Variants in TELO2 observed in about 807,000 individuals in gnomAD.
The protein encoded by TELO2 is telomere length regulation protein TEL2 homolog.
Under a neutral mutation model 91.0 loss-of-function variants are expected in TELO2, and 71 were observed. That is an observed-to-expected ratio of 0.78 (90% confidence interval 0.64 to 0.95). The LOEUF (loss-of-function observed/expected upper bound fraction) is 0.95, where lower values mean the gene tolerates loss of function less well. Ranked by LOEUF, TELO2 falls within the 40% of genes least tolerant of loss-of-function variation. The pLI is 0.00. For synonymous variants in TELO2, 584 were observed against 518.9 expected (o/e 1.13, Z -1.71); for missense variants, 1,183 against 1,141.3 (o/e 1.04, Z -0.53).
chr16:1,505,494 C>G lies in TELO2; in HGVS notation c.1927C>G (p.Pro643Ala). 6.2e-7 allele frequency: 1 copy of G among 1,613,148 alleles called. No homozygotes were observed. Among genetic ancestry groups the G allele is most frequent in the Non-Finnish European group, 8.5e-7 (1 of 1,180,000 alleles). ...ACCTGGCTCCCCAAGTCCCAACACC[C>G]CGTGCCTGCCAGAGGCAGCCGTCTC... Reference protein sequence around the residue: ...PQPGSPSPNTPCLPEAAVSQP... With the variant: ...PQPGSPSPNTACLPEAAVSQP... Residue 643 changes from proline (P) to alanine (A), a missense_variant, in exon 16 of 21, where the codon CCG becomes GCG. By Grantham distance (27) the Pro-to-Ala change is conservative (BLOSUM62 -1). Transcript: ENST00000262319. This position sits in a 1 kb window ranked among gnomAD's most constrained non-coding sequence, Gnocchi z 4.3.
chr16:1,496,985 CT>C lies in TELO2; in HGVS notation c.614-47del, dbSNP rs769289454. On this transcript the variant is annotated intron_variant, in intron 3 of 20. Coordinates refer to ENST00000262319, the MANE Select transcript of TELO2 (RefSeq NM_016111.4). ...GCAGCTCTCCCCACACCTAGATGTT[CT>C]TTTGTGCCTTCCCGCCGGCTTCCTC... 12 of 1,585,896 alleles carry C rather than the reference CT, an allele frequency of 7.6e-6. 1 individual carries two copies. The South Asian group carries it at 1.4e-4, about 18-fold the overall frequency.
At chr16:1,504,800 G>A (rs543396007) in intron 15 of TELO2, among the ~76,000 whole-genome samples, 7 of 151,860 alleles carry the variant, frequency 4.6e-5, no homozygotes, top group African/African-American at 7.3e-5. Context: ...CTCGTGATCC[G>A]CCCGCCTCAG....
chr16:1,508,949 G>GC (rs1177910360), intron 20 of TELO2, among the ~76,000 whole-genome samples: 2 of 152,042 alleles, frequency 1.3e-5, no homozygotes, highest in African/African-American at 2.4e-5. Flanking sequence ...GGGGGGTGAG[G>GC]CCCCCCAGAC....
chr16:1,507,353 T>TCGC lies in TELO2; in HGVS notation c.2275_2277dup (p.Arg759dup). ...CCCTGCTGGAATTCGTGTGGGCCCT[T>TCGC]CGCTTCCACATCGATGCGTGAGTGG... On this transcript the variant is annotated inframe_insertion, in exon 19 of 21. Coordinates refer to ENST00000262319, the MANE Select transcript of TELO2 (RefSeq NM_016111.4). 1 of 1,611,036 alleles carries TCGC rather than the reference T, an allele frequency of 6.2e-7. No individual in the cohort carries two copies. Among genetic ancestry groups the TCGC allele is most frequent in the Non-Finnish European group, 8.5e-7 (1 of 1,179,898 alleles).
intron 15 of TELO2, among the ~76,000 whole-genome samples, chr16:1,503,538 A>T (rs1246453004): frequency 1.3e-5 from 2 of 152,146 alleles, no homozygotes; most frequent in African/African-American, 4.8e-5. Context: ...TGAGAGAGGG[A>T]GACACTGTCT....
In TELO2 at chr16:1,498,074, C is replaced by T. The variant is rs181593666; in HGVS notation, c.830+566C>T. On this transcript the variant is annotated intron_variant, in intron 5 of 20. Transcript: ENST00000262319. Reference sequence around the variant, plus strand: ...CTCTGTCACCCAGGCTGGACTGCAACGGTGCAATCGGCTCACTGCAACCTC... The same window carrying T: ...CTCTGTCACCCAGGCTGGACTGCAATGGTGCAATCGGCTCACTGCAACCTC... 3.3e-5 allele frequency among the ~76,000 whole-genome samples: 5 copies of T among 150,754 alleles called. No homozygotes were observed. The East Asian group carries it at 5.9e-4, about 18-fold the overall frequency.
chr16:1,508,244 C>T (rs1350524344), intron 20 of TELO2, among the ~76,000 whole-genome samples: 6 of 152,128 alleles, frequency 3.9e-5, no homozygotes, highest in African/African-American at 7.2e-5. Flanking sequence ...GCAATTCTCC[C>T]GCCTCAGCCT....
chr16:1,495,974 T>TGGGCTGCA (rs1266148723), intron 3 of TELO2, among the ~76,000 whole-genome samples: 39 of 152,334 alleles, frequency 2.6e-4, no homozygotes, highest in Admixed American at 2.0e-4. Context: ...TGCCCGCTGC[T>TGGGCTGCA]GGGCTGCAGG....
intron 3 of TELO2, among the ~76,000 whole-genome samples, chr16:1,495,923 G>A (rs1282816280): frequency 2.0e-5 from 3 of 152,224 alleles, no homozygotes; most frequent in Admixed American, 6.5e-5. Context: ...GGAGGCAGAC[G>A]CTGGCGGTGC....
In TELO2 at chr16:1,497,117, G is replaced by T. The variant is rs1042795491; in HGVS notation, c.682+13G>T. The stretch of plus-strand genomic sequence containing the variant: ...CACGGGAGGCAGCGTGAGTAGAGCA[G>T]TGCCTTCCTGCCCATCCTGCCCCGA... On this transcript the variant is annotated intron_variant, in intron 4 of 20. Transcript: ENST00000262319. This position sits in a 1 kb window ranked among gnomAD's most constrained non-coding sequence, Gnocchi z 4.0. The T allele has an allele frequency of 6.2e-7, 1 of 1,613,838 alleles. No homozygotes were observed.
In TELO2 at chr16:1,494,336, C is replaced by A. The variant is rs903711508; in HGVS notation, c.55C>A (p.Leu19Ile). The A allele has an allele frequency of 1.9e-6, 3 of 1,613,742 alleles. No homozygotes were observed. The highest frequency in any genetic ancestry group is 3.3e-5 in the Admixed American group (2 of 60,024). The change falls in exon 2 of 21, where the codon CTC becomes ATC. Residue 19 changes from leucine to isoleucine, a missense_variant. Transcript: ENST00000262319. This position sits in a 1 kb window ranked among gnomAD's most constrained non-coding sequence, Gnocchi z 5.6. ...CGCCGTCCGGGAAGCCATTCATGCC[C>A]TCTCGTCTTCGGAGGATGGCGGCCA... Reference protein sequence around the residue: ...RLAVREAIHALSSSEDGGHIF... With the variant: ...RLAVREAIHAISSSEDGGHIF...
At position 1,495,432 on chromosome 16, in the gene TELO2, G is replaced by T. The variant is rs1164802666; in HGVS notation, c.422G>T (p.Cys141Phe). The stretch of plus-strand genomic sequence containing the variant: ...CTGGCAGTGCTGATGGAGGCGCAGT[G>T]TCGGCAGCAGACGCAGCCCGGCTTC... ...GRLAVLMEAQCRQQTQPGFIL... is the reference protein window; with the variant it reads ...GRLAVLMEAQFRQQTQPGFIL... The change falls in exon 3 of 21, where the codon TGT becomes TTT. Residue 141 changes from cysteine (C) to phenylalanine (F), a missense_variant. By Grantham distance (205) the Cys-to-Phe change is radical. Transcript: ENST00000262319. 6.2e-7 allele frequency: 1 copy of T among 1,600,596 alleles called. No homozygotes were observed. The highest frequency in any genetic ancestry group is 1.3e-5 in the African/African-American group (1 of 74,700).
chr16:1,499,469 G>A (rs1007006046), intron 6 of TELO2, 136 bp downstream of exon 6: 11 of 916,468 alleles, frequency 1.2e-5, no homozygotes, highest in African/African-American at 9.7e-5. Context: ...AGGAGTTGGC[G>A]AGGCGGTGGG....
In TELO2 at chr16:1,502,377, C is replaced by A; in HGVS notation, c.1626C>A (p.Val542=). Residue 542 remains valine, a synonymous_variant, in exon 13 of 21, where the codon GTC becomes GTA. Coordinates refer to ENST00000262319, the MANE Select transcript of TELO2 (RefSeq NM_016111.4). The stretch of plus-strand genomic sequence containing the variant: ...CCCTGCGGGCCCTTGAGGGCCTGGT[C>A]TACAGGAGCCCCACAGCCACTCGGG... ...EAALRALEGL[V]YRSPTATREV... is the part of the protein sequence containing the mutation. The A allele has an allele frequency of 6.2e-7, 1 of 1,603,344 alleles. No individual in the cohort carries two copies. Among genetic ancestry groups the A allele is most frequent in the South Asian group, 1.1e-5 (1 of 89,568 alleles).
rs903257026 is a variant in TELO2, at chr16:1,505,063, T to C, written c.1843-347T>C. ...CAATGTTCTGAGGTCCCCCCGCCCG[T>C]GGCACGTGCCGCTGCAGCGTTGCTT... On this transcript the variant is annotated intron_variant, in intron 15 of 20. Coordinates refer to ENST00000262319, the MANE Select transcript of TELO2 (RefSeq NM_016111.4). This position sits in a 1 kb window ranked among gnomAD's most constrained non-coding sequence, Gnocchi z 4.3. 16 of 240,616 alleles carry C rather than the reference T, an allele frequency of 6.6e-5. No individual in the cohort carries two copies. Among genetic ancestry groups the C allele is most frequent in the Admixed American group, 4.9e-5 (1 of 20,252 alleles). The allele number at this position is 240,616 out of a possible 1,614,324, so 14.9% of individuals were successfully genotyped here.
At chr16:1,498,989 G>A (rs957343447) in intron 5 of TELO2, among the ~76,000 whole-genome samples, 1 of 152,146 alleles carries the variant, frequency 6.6e-6, no homozygotes, top group Non-Finnish European at 1.5e-5. Flanking sequence ...GGAGGCTGTC[G>A]GGGGTGGACC....
rs1475119609 is a variant in TELO2 at position 1,506,948 on chromosome 16, C to T, written c.2127-4C>T. Reference sequence around the variant, plus strand: ...TGCACCTTGGGCTCCATCCTGTGCTCTAGGCCTCTGGTGACCTTCGACCTC... The same window carrying T: ...TGCACCTTGGGCTCCATCCTGTGCTTTAGGCCTCTGGTGACCTTCGACCTC... On this transcript the variant is annotated splice_polypyrimidine_tract_variant and splice_region_variant and intron_variant, in intron 17 of 20. Coordinates refer to ENST00000262319, the MANE Select transcript of TELO2 (RefSeq NM_016111.4). 1.9e-6 allele frequency: 3 copies of T among 1,607,194 alleles called. No homozygotes were observed. Among genetic ancestry groups the T allele is most frequent in the Non-Finnish European group, 2.5e-6 (3 of 1,176,816 alleles).
chr16:1,494,698 C>T lies in TELO2; in HGVS notation c.335+82C>T, dbSNP rs935168187. ...GCTTGAAGGACTGGACCAAGAGCCTCTCTAGTCCCTGTGAGGGGCTAGAGA... is the reference window on the plus strand; with the variant it reads ...GCTTGAAGGACTGGACCAAGAGCCTTTCTAGTCCCTGTGAGGGGCTAGAGA... On this transcript the variant is annotated intron_variant, in intron 2 of 20. Coordinates refer to ENST00000262319, the MANE Select transcript of TELO2 (RefSeq NM_016111.4). The surrounding 1 kb of genome is among the most constrained non-coding windows in gnomAD (Gnocchi z 5.6). 2.1e-6 allele frequency: 3 copies of T among 1,397,122 alleles called. No homozygotes were observed. The highest frequency in any genetic ancestry group is 2.9e-6 in the Non-Finnish European group (3 of 1,040,416). The allele number at this position is 1,397,122 out of a possible 1,614,324, so 86.5% of individuals were successfully genotyped here.
intron 15 of TELO2, among the ~76,000 whole-genome samples, chr16:1,503,506 C>T (rs1278663966): frequency 6.6e-6 from 1 of 152,154 alleles, no homozygotes; most frequent in Non-Finnish European, 1.5e-5. Flanking sequence ...GAGCTGTTTG[C>T]ACCACCGCAC....
Sources: allele counts gnomAD v4.1 joint callset (sites outside exome capture counted in the v4.1 genomes callset), GRCh38; gene constraint gnomAD v4.1.1; non-coding constraint Gnocchi (gnomAD v3.1); transcripts MANE v1.5; gene names NCBI Gene and HGNC (gene_info 2026-07-23, HGNC 2026-07-21).